ANKRD6: variants seen among roughly 807,000 people sequenced by gnomAD.
ANKRD6 encodes the protein ankyrin repeat domain 6.
A neutral mutation model predicts 82.3 loss-of-function variants in ANKRD6; 56 were observed. That is an observed-to-expected ratio of 0.68 (90% confidence interval 0.55 to 0.85). The LOEUF (loss-of-function observed/expected upper bound fraction) is 0.85. ANKRD6 is among the 40% of genes least tolerant of loss of function. The pLI is 0.00. For synonymous variants in ANKRD6, 347 were observed against 352.1 expected (o/e 0.99, Z 0.16); for missense variants, 852 against 907.6 (o/e 0.94, Z 0.79).
rs1807399243 is a variant in ANKRD6 at position 89,631,554 on chromosome 6, G to A, written c.*550G>A. 1 of 152,110 alleles carries A rather than the reference G, an allele frequency of 6.6e-6. No homozygotes were observed. Among genetic ancestry groups the A allele is most frequent in the Non-Finnish European group, 1.5e-5 (1 of 68,020 alleles). The allele number at this position is 152,110 out of a possible 1,614,324, so 9.4% of individuals were successfully genotyped here. A position where few individuals can be genotyped will look rare whatever the true frequency, so the allele number is the denominator to read the frequency against. ...TCACATGAAAAGTTATCAGATTTTTGAGGAGAAATATTTTCATGATGTCAC... is the reference window on the plus strand; with the variant it reads ...TCACATGAAAAGTTATCAGATTTTTAAGGAGAAATATTTTCATGATGTCAC... On this transcript the variant is annotated 3_prime_UTR_variant, in exon 16 of 16. Transcript: ENST00000339746.
chr6:89,528,122 T>TA (rs2127984969), intron 1 of ANKRD6, among the ~76,000 whole-genome samples: 1 of 152,358 alleles, frequency 6.6e-6, no homozygotes, highest in Admixed American at 6.5e-5. Flanking sequence ...CACAGTTTCT[T>TA]AAAGTCAGAC....
intron 1 of ANKRD6, among the ~76,000 whole-genome samples, chr6:89,449,067 A>T (rs866024249): frequency 2.0e-5 from 3 of 152,094 alleles, no homozygotes; most frequent in Non-Finnish European, 4.4e-5. Flanking sequence ...ACATTTTGTA[A>T]GGCTATAGTT....
chr6:89,514,551 G>A (rs566364162), intron 1 of ANKRD6, among the ~76,000 whole-genome samples: 1 of 151,998 alleles, frequency 6.6e-6, no homozygotes, highest in Admixed American at 6.6e-5. Flanking sequence ...TTAAAATGTT[G>A]GGCATAAGAT....
At chr6:89,533,244 T>C (rs1783404526) in intron 1 of ANKRD6, among the ~76,000 whole-genome samples, 1 of 152,152 alleles carries the variant, frequency 6.6e-6, no homozygotes, top group South Asian at 2.1e-4. Context: ...ACTAGGCTCT[T>C]GACATACGTA....
chr6:89,438,110 T>C (rs1348298067), intron 1 of ANKRD6, among the ~76,000 whole-genome samples: 2 of 152,246 alleles, frequency 1.3e-5, no homozygotes, highest in South Asian at 4.1e-4. Context: ...GCATTTATCT[T>C]AGAAATACTT....
intron 1 of ANKRD6, among the ~76,000 whole-genome samples, chr6:89,445,357 A>G (rs1476988893): frequency 1.5e-5 from 2 of 131,136 alleles, no homozygotes; most frequent in East Asian, 4.6e-4. Context: ...TGGAACCTCC[A>G]CCTCCCAGGT....
chr6:89,550,578 C>G (rs1168404514), intron 1 of ANKRD6, among the ~76,000 whole-genome samples: 2 of 152,168 alleles, frequency 1.3e-5, no homozygotes, highest in East Asian at 3.8e-4. Context: ...CTTTTCTTGA[C>G]TGAAGTGCTG....
At chr6:89,497,060 CT>C (rs1427556715) in intron 1 of ANKRD6, among the ~76,000 whole-genome samples, 2 of 152,138 alleles carry the variant, frequency 1.3e-5, no homozygotes, top group Non-Finnish European at 2.9e-5. Context: ...GTCAGGGATG[CT>C]TTCTCTCTGA....
intron 6 of ANKRD6, among the ~76,000 whole-genome samples, chr6:89,613,420 G>T (rs17735389): frequency 0.099 from 15,115 of 152,240 alleles, 980 homozygotes; most frequent in South Asian, 0.17. Context: ...TTGGTCTTAA[G>T]TCAGTATACT....
At chr6:89,544,872 C>A (rs1784881675) in intron 1 of ANKRD6, among the ~76,000 whole-genome samples, 1 of 152,094 alleles carries the variant, frequency 6.6e-6, no homozygotes, top group South Asian at 2.1e-4. Context: ...CAGATGAGGT[C>A]TTTACAGGAT....
intron 5 of ANKRD6, among the ~76,000 whole-genome samples, chr6:89,611,692 A>G (rs911414722): frequency 6.6e-6 from 1 of 152,282 alleles, no homozygotes; most frequent in Non-Finnish European, 1.5e-5. Context: ...CCTGGTGTCC[A>G]TAGTTAAAAT....
chr6:89,470,708 C>A (rs1372157642), intron 1 of ANKRD6, among the ~76,000 whole-genome samples: 2 of 151,932 alleles, frequency 1.3e-5, no homozygotes, highest in African/African-American at 4.8e-5. Flanking sequence ...TGTTTTTCCT[C>A]TTATAACCAG....
chr6:89,627,005 G>A (rs1805902038), intron 13 of ANKRD6, among the ~76,000 whole-genome samples: 1 of 152,226 alleles, frequency 6.6e-6, no homozygotes, highest in South Asian at 2.1e-4. Flanking sequence ...TCCATACTTT[G>A]AGATGTAGTT....
At position 89,613,999 on chromosome 6, in the gene ANKRD6, C is replaced by T. The variant is rs1800875773; in HGVS notation, c.615+109C>T. On this transcript the variant is annotated intron_variant, in intron 7 of 15. Coordinates refer to ENST00000339746, the MANE Select transcript of ANKRD6 (RefSeq NM_001242809.2). ...AGGCTGCTGGGAAGCTGCCATGTCA[C>T]CTACCTGGGACTCAGCCAGCAGTGG... 34 of 1,106,706 alleles carry T rather than the reference C, an allele frequency of 3.1e-5. No homozygotes were observed. In the East Asian group the frequency reaches 8.5e-4, roughly 28 times the overall value. 68.6% of individuals were successfully genotyped at this position (1,106,706 alleles called of 1,614,324 possible).
rs569138323 is a variant in ANKRD6 at position 89,633,665 on chromosome 6, G to A, written c.*2661G>A. The A allele has an allele frequency of 6.6e-6, 1 of 152,292 alleles. No individual in the cohort carries two copies. The highest frequency in any genetic ancestry group is 2.4e-5 in the African/African-American group (1 of 41,554). The allele number at this position is 152,292 out of a possible 1,614,324, so 9.4% of individuals were successfully genotyped here. A position where few individuals can be genotyped will look rare whatever the true frequency, so the allele number is the denominator to read the frequency against. ...TGATTTTGGGAGCCCAAAATAAAGG[G>A]AGTGTTGTTTTCATGGTTATGCCTT... On this transcript the variant is annotated 3_prime_UTR_variant, in exon 16 of 16. Transcript: ENST00000339746.
intron 1 of ANKRD6, among the ~76,000 whole-genome samples, chr6:89,461,196 G>A (rs1774090618): frequency 6.6e-6 from 1 of 152,150 alleles, no homozygotes; most frequent in African/African-American, 2.4e-5. Flanking sequence ...TTACAGGAGT[G>A]AGCCACCGCA....
At chr6:89,617,751 TC>T (rs1315568693) in intron 8 of ANKRD6, among the ~76,000 whole-genome samples, 1 of 152,236 alleles carries the variant, frequency 6.6e-6, no homozygotes, top group African/African-American at 2.4e-5. Context: ...TAGCGTGTCT[TC>T]CAGTGTGACC....
At chr6:89,570,404 C>T (rs1022835368) in intron 2 of ANKRD6, among the ~76,000 whole-genome samples, 1 of 152,138 alleles carries the variant, frequency 6.6e-6, no homozygotes, top group Non-Finnish European at 1.5e-5. Context: ...GTAAAATATA[C>T]ATAGTAAATG....
chr6:89,466,854 G>A (rs1024567648), intron 1 of ANKRD6, among the ~76,000 whole-genome samples: 5 of 152,110 alleles, frequency 3.3e-5, no homozygotes, highest in Non-Finnish European at 7.3e-5. Flanking sequence ...TAACAGGCCC[G>A]TGCCACCAAA....
Sources: gnomAD v4.1 joint callset for allele counts (sites outside exome capture counted in the v4.1 genomes callset) on GRCh38, gnomAD v4.1.1 for gene constraint, MANE v1.5 for transcripts, NCBI Gene and HGNC (gene_info 2026-07-23, HGNC 2026-07-21) for gene names.